CCSER2: variants seen among roughly 807,000 people sequenced by gnomAD.
The protein encoded by CCSER2 is serine-rich coiled-coil domain-containing protein 2.
A neutral mutation model predicts 92.3 loss-of-function variants in CCSER2; 46 were observed. The ratio of observed to expected loss-of-function variants is 0.50; its 90% confidence interval spans 0.39 to 0.64. The LOEUF (loss-of-function observed/expected upper bound fraction) is 0.64. Among genes scored for constraint, CCSER2 ranks in the 30% least tolerant of loss-of-function variants. The pLI, the probability that CCSER2 is intolerant of heterozygous loss-of-function variation, is 0.00. For synonymous variants in CCSER2, 433 were observed against 431.4 expected, an observed-to-expected ratio of 1.00 and a Z score of -0.04; for missense variants, 1,244 against 1,238.9, an observed-to-expected ratio of 1.00 and a Z score of -0.06.
At chr10:84,482,397 G>A (rs749426952) in intron 9 of CCSER2, among the ~76,000 whole-genome samples, 12 of 152,150 alleles carry the variant, frequency 7.9e-5, no homozygotes, top group Non-Finnish European at 1.2e-4. Flanking sequence ...TTGGTTATGC[G>A]AGAAATCAAG....
chr10:84,470,069 T>C (rs1312842918), intron 7 of CCSER2, among the ~76,000 whole-genome samples: 1 of 150,636 alleles, frequency 6.6e-6, no homozygotes, highest in African/African-American at 2.4e-5. Context: ...TTTTCTTATA[T>C]GTAAAAAAGG....
At chr10:84,456,361 T>A (rs947038566) in intron 6 of CCSER2, among the ~76,000 whole-genome samples, 1 of 152,228 alleles carries the variant, frequency 6.6e-6, no homozygotes, top group African/African-American at 2.4e-5. Context: ...TGGCTTTTTT[T>A]ACTTAACATA....
intron 3 of CCSER2, among the ~76,000 whole-genome samples, chr10:84,401,236 A>G (rs1026553429): frequency 5.3e-5 from 8 of 152,286 alleles, no homozygotes; most frequent in East Asian, 3.9e-4. Context: ...TTAAAAGCCC[A>G]AAAGTAATTG....
chr10:84,351,445 T>C (rs1418305864), intron 1 of CCSER2, among the ~76,000 whole-genome samples: 2 of 152,138 alleles, frequency 1.3e-5, no homozygotes, highest in African/African-American at 4.8e-5. Context: ...TTGGCCAGGC[T>C]GGTCTAGAAC....
Position 84,496,948 on chromosome 10 carries a change from C to T in CCSER2, c.2326-16501C>T, listed in dbSNP as rs932476000. 2.0e-5 allele frequency among the ~76,000 whole-genome samples: 3 copies of T among 152,142 alleles called. No homozygotes were observed. The South Asian group carries it at 6.2e-4, about 32-fold the overall frequency. Reference sequence around the variant, plus strand: ...AGGAAAAGGGAGAAGTATGTCTACTCCATCTTTTCCTGAAACTGGAATTCC... The same window carrying T: ...AGGAAAAGGGAGAAGTATGTCTACTTCATCTTTTCCTGAAACTGGAATTCC... On this transcript the variant is annotated intron_variant, in intron 9 of 9. Coordinates refer to ENST00000372088, the MANE Select transcript of CCSER2 (RefSeq NM_001284240.2).
intron 3 of CCSER2, among the ~76,000 whole-genome samples, chr10:84,382,626 T>C (rs1033582718): frequency 6.6e-6 from 1 of 152,228 alleles, no homozygotes; most frequent in African/African-American, 2.4e-5. Flanking sequence ...AATGTCATGA[T>C]GATTGATTTT....
rs981634078 is a variant in CCSER2, at chr10:84,347,643, C to T, written c.-40+18835C>T. 4.0e-5 allele frequency among the ~76,000 whole-genome samples: 6 copies of T among 151,684 alleles called. No individual in the cohort carries two copies. In the East Asian group the frequency reaches 7.9e-4, roughly 20 times the overall value. On this transcript the variant is annotated intron_variant, in intron 1 of 9. Coordinates refer to ENST00000372088, the MANE Select transcript of CCSER2 (RefSeq NM_001284240.2). ...GGATGGGGTGGCTGCTGGGCGGAGA[C>T]GCTCCTGACTTCCCAGACGGGCGGC...
At chr10:84,483,150 T>C (rs1847555034) in intron 9 of CCSER2, among the ~76,000 whole-genome samples, 1 of 152,158 alleles carries the variant, frequency 6.6e-6, no homozygotes, top group South Asian at 2.1e-4. Flanking sequence ...CACAGCACTT[T>C]GGGAGGCTGA....
At chr10:84,434,007 A>G (rs1020508023) in intron 5 of CCSER2, among the ~76,000 whole-genome samples, 1 of 152,202 alleles carries the variant, frequency 6.6e-6, no homozygotes, top group Non-Finnish European at 1.5e-5. Context: ...TGTTCATGCC[A>G]CAGCAGCTTT....
chr10:84,488,208 T>C (rs2133789458), intron 9 of CCSER2, among the ~76,000 whole-genome samples: 1 of 152,294 alleles, frequency 6.6e-6, no homozygotes, highest in African/African-American at 2.4e-5. Flanking sequence ...TCTCTTTTTT[T>C]GTTGTGTCTC....
chr10:84,451,702 G>GA (rs1172437365), intron 6 of CCSER2, among the ~76,000 whole-genome samples: 2 of 151,814 alleles, frequency 1.3e-5, no homozygotes, highest in South Asian at 2.1e-4. Flanking sequence ...AATTTAAACA[G>GA]AAAAAATTTG....
At chr10:84,336,841 TG>T (rs1843864743) in intron 1 of CCSER2, among the ~76,000 whole-genome samples, 1 of 144,698 alleles carries the variant, frequency 6.9e-6, no homozygotes, top group Non-Finnish European at 1.5e-5. Context: ...TAATCCTAAG[TG>T]GGAGATGATG....
chr10:84,355,374 C>G (rs574527695), intron 1 of CCSER2, among the ~76,000 whole-genome samples: 2 of 152,260 alleles, frequency 1.3e-5, no homozygotes, highest in South Asian at 2.1e-4. Flanking sequence ...TTTGTTTATG[C>G]TCTTAGGCTG....
intron 1 of CCSER2, among the ~76,000 whole-genome samples, chr10:84,365,175 A>G (rs910401606): frequency 6.6e-6 from 1 of 152,224 alleles, no homozygotes; most frequent in South Asian, 2.1e-4. Flanking sequence ...TCACCACTAA[A>G]TTAAAGCTCA....
chr10:84,345,830 T>C (rs1844444644), intron 1 of CCSER2, among the ~76,000 whole-genome samples: 1 of 152,162 alleles, frequency 6.6e-6, no homozygotes, highest in Admixed American at 6.5e-5. Flanking sequence ...ATGATAATTA[T>C]TGAAGTAAAC....
intron 9 of CCSER2, among the ~76,000 whole-genome samples, chr10:84,486,701 C>T (rs1237191622): frequency 6.6e-6 from 1 of 152,156 alleles, no homozygotes; most frequent in Non-Finnish European, 1.5e-5. Flanking sequence ...GTTGCCTGTT[C>T]ACTCTGATGG....
intron 3 of CCSER2, among the ~76,000 whole-genome samples, chr10:84,375,798 G>A (rs993196063): frequency 8.8e-5 from 13 of 148,302 alleles, no homozygotes; most frequent in African/African-American, 3.0e-4. Context: ...TACTTGGACT[G>A]TATTTACTCT....
chr10:84,350,712 T>C (rs1402871264), intron 1 of CCSER2, among the ~76,000 whole-genome samples: 1 of 152,250 alleles, frequency 6.6e-6, no homozygotes, highest in Non-Finnish European at 1.5e-5. Flanking sequence ...GGCTGAAAAC[T>C]GCCCTTTTCT....
intron 7 of CCSER2, among the ~76,000 whole-genome samples, chr10:84,469,837 C>T (rs1421883328): frequency 6.6e-6 from 1 of 152,006 alleles, no homozygotes; most frequent in African/African-American, 2.4e-5. Context: ...GTCAAAGAAT[C>T]TTCCTTGTTA....
Sources: gnomAD v4.1 joint callset for allele counts (sites outside exome capture counted in the v4.1 genomes callset) on GRCh38, gnomAD v4.1.1 for gene constraint, MANE v1.5 for transcripts, NCBI Gene and HGNC (gene_info 2026-07-23, HGNC 2026-07-21) for gene names.